The following CADM2 variants were observed in gnomAD, a reference collection of about 807,000 sequenced individuals.
CADM2 encodes the protein cell adhesion molecule 2.
A neutral mutation model predicts 49.8 loss-of-function variants in CADM2; 12 were observed. That is an observed-to-expected ratio of 0.24 (90% confidence interval 0.15 to 0.39). The LOEUF (loss-of-function observed/expected upper bound fraction) is 0.39, where lower values mean the gene tolerates loss of function less well. Among genes scored for constraint, CADM2 ranks in the 10% least tolerant of loss-of-function variants. CADM2 has a pLI of 1.00. For synonymous variants in CADM2, 214 were observed against 175.4 expected (o/e 1.22, Z -1.74); for missense variants, 378 against 492.3 (o/e 0.77, Z 2.20).
intron 2 of CADM2, among the ~76,000 whole-genome samples, chr3:85,751,138 G>A (rs1303609652): frequency 2.0e-5 from 3 of 152,060 alleles, no homozygotes; most frequent in Non-Finnish European, 4.4e-5. Context: ...CCCGAGAGGT[G>A]AGGCAAAAAC....
intron 1 of CADM2, among the ~76,000 whole-genome samples, chr3:85,350,381 A>G (rs1185351248): frequency 6.6e-6 from 1 of 152,144 alleles, no homozygotes; most frequent in Admixed American, 6.6e-5. Flanking sequence ...ACCATGATTT[A>G]TTTTGACATG....
At chr3:85,730,440 T>TA (rs2067881886) in intron 2 of CADM2, among the ~76,000 whole-genome samples, 10 of 146,014 alleles carry the variant, frequency 6.8e-5, no homozygotes, top group Non-Finnish European at 1.0e-4. Flanking sequence ...AGACTCTGTC[T>TA]AAATAAAATA....
intron 1 of CADM2, among the ~76,000 whole-genome samples, chr3:85,122,049 T>C (rs1487001096): frequency 1.3e-5 from 2 of 152,038 alleles, no homozygotes; most frequent in South Asian, 4.1e-4. Context: ...ACAGCTACAT[T>C]ACTCCATCAA....
chr3:85,816,753 C>T (rs1559678637), intron 3 of CADM2, among the ~76,000 whole-genome samples: 1 of 152,046 alleles, frequency 6.6e-6, no homozygotes, highest in Admixed American at 6.6e-5. Context: ...GACAAAAACA[C>T]ACACAGCGAC....
chr3:85,443,153 A>G (rs1233710788), intron 1 of CADM2, among the ~76,000 whole-genome samples: 1 of 152,104 alleles, frequency 6.6e-6, no homozygotes, highest in Non-Finnish European at 1.5e-5. Flanking sequence ...GTATACCTCA[A>G]ATAGGGTGTG....
chr3:85,955,432 C>T (rs1723933975), intron 7 of CADM2, among the ~76,000 whole-genome samples: 1 of 151,522 alleles, frequency 6.6e-6, no homozygotes, highest in South Asian at 2.1e-4. Flanking sequence ...ATGGGACTCA[C>T]TTCTCCATTA....
chr3:84,989,601 A>G (rs2032770303), intron 1 of CADM2, among the ~76,000 whole-genome samples: 1 of 152,128 alleles, frequency 6.6e-6, no homozygotes, highest in Admixed American at 6.6e-5. Flanking sequence ...TATAAAAACT[A>G]TGACCTTTTT....
intron 1 of CADM2, among the ~76,000 whole-genome samples, chr3:85,289,960 G>A (rs927368476): frequency 3.9e-5 from 6 of 152,196 alleles, no homozygotes; most frequent in African/African-American, 1.4e-4. Flanking sequence ...AATAGGAACA[G>A]CTCCAGTCTA....
intron 1 of CADM2, among the ~76,000 whole-genome samples, chr3:85,717,758 T>TG (rs2067348788): frequency 6.6e-6 from 1 of 152,032 alleles, no homozygotes; most frequent in African/African-American, 2.4e-5. Flanking sequence ...TGTGGTTTTG[T>TG]GGGGGTTTTT....
At chr3:86,037,865 T>C (rs973796305) in intron 8 of CADM2, among the ~76,000 whole-genome samples, 2 of 152,156 alleles carry the variant, frequency 1.3e-5, no homozygotes, top group East Asian at 1.9e-4. Context: ...CCAGAATACA[T>C]GGGCAGAACA....
chr3:85,263,298 A>G (rs1446713725), intron 1 of CADM2, among the ~76,000 whole-genome samples: 3 of 152,040 alleles, frequency 2.0e-5, no homozygotes, highest in African/African-American at 7.2e-5. Context: ...CAGCCTGTGT[A>G]TTCATCTTTA....
chr3:85,381,432 T>C (rs1015982797), intron 1 of CADM2, among the ~76,000 whole-genome samples: 1 of 147,778 alleles, frequency 6.8e-6, no homozygotes, highest in Non-Finnish European at 1.5e-5. Flanking sequence ...TTTATATATA[T>C]ATATATAAAG....
intron 1 of CADM2, among the ~76,000 whole-genome samples, chr3:85,059,717 C>A (rs1289453293): frequency 1.3e-5 from 2 of 152,118 alleles, no homozygotes; most frequent in Non-Finnish European, 2.9e-5. Flanking sequence ...TGCACAAGGT[C>A]TCTTCTCTCA....
intron 1 of CADM2, among the ~76,000 whole-genome samples, chr3:85,464,662 T>C (rs2038406915): frequency 1.3e-5 from 2 of 152,186 alleles, no homozygotes; most frequent in South Asian, 4.1e-4. Flanking sequence ...GAAGATACAA[T>C]TCGTTTCATC....
intron 1 of CADM2, among the ~76,000 whole-genome samples, chr3:85,205,006 CTACTT>C (rs2041596979): frequency 6.6e-6 from 1 of 150,686 alleles, no homozygotes; most frequent in Admixed American, 6.6e-5. Flanking sequence ...CTTTTTAAAA[CTACTT>C]TACTTAATTT....
At chr3:85,744,437 A>G (rs998735405) in intron 2 of CADM2, among the ~76,000 whole-genome samples, 1 of 152,168 alleles carries the variant, frequency 6.6e-6, no homozygotes, top group Non-Finnish European at 1.5e-5. Flanking sequence ...AGTAATTATT[A>G]CACATTGTGT....
At chr3:85,525,787 G>T (rs959164048) in intron 1 of CADM2, among the ~76,000 whole-genome samples, 4 of 151,094 alleles carry the variant, frequency 2.6e-5, no homozygotes, top group African/African-American at 4.9e-5. Flanking sequence ...TCGCTTTTTG[G>T]GTTTATCAGT....
intron 1 of CADM2, among the ~76,000 whole-genome samples, chr3:85,117,807 T>C (rs79592735): frequency 6.6e-6 from 1 of 152,174 alleles, no homozygotes; most frequent in Admixed American, 6.6e-5. Flanking sequence ...TTTCACTGGT[T>C]ATTTTCTTCC....
At chr3:85,949,247 A>C (rs1010652974) in intron 7 of CADM2, among the ~76,000 whole-genome samples, 1 of 151,476 alleles carries the variant, frequency 6.6e-6, no homozygotes, top group Non-Finnish European at 1.5e-5. Context: ...AAAAGAAGAA[A>C]GAGTAAAGAA....
Sources: gnomAD v4.1 joint callset for allele counts (sites outside exome capture counted in the v4.1 genomes callset) on GRCh38, gnomAD v4.1.1 for gene constraint, MANE v1.5 for transcripts, NCBI Gene and HGNC (gene_info 2026-07-23, HGNC 2026-07-21) for gene names.